Variants in CNTNAP5 observed in about 807,000 individuals in gnomAD.
CNTNAP5 encodes contactin associated protein family member 5.
In CNTNAP5, 72 loss-of-function variants were observed where a neutral mutation model predicts 150.2. The observed-to-expected ratio is 0.48, with a 90% confidence interval of 0.40 to 0.58. CNTNAP5 has a LOEUF of 0.58. Ranked by LOEUF, CNTNAP5 falls within the 20% of genes least tolerant of loss-of-function variation. The probability of loss-of-function intolerance (pLI) is 0.00; values close to 1 mark genes in which losing one functional copy is unlikely to be tolerated. For missense variants in CNTNAP5, 1,636 were observed against 1,626.2 expected (o/e 1.01, Z -0.10); for synonymous variants, 672 against 619.8 (o/e 1.08, Z -1.25).
intron 8 of CNTNAP5, among the ~76,000 whole-genome samples, chr2:124,511,231 G>C (rs146790725): frequency 6.6e-6 from 1 of 152,326 alleles, no homozygotes; most frequent in East Asian, 1.9e-4. Context: ...AGACTGTTTT[G>C]AATGTCATAT....
intron 21 of CNTNAP5, among the ~76,000 whole-genome samples, chr2:124,871,152 C>T (rs1331657218): frequency 1.3e-5 from 2 of 152,052 alleles, no homozygotes; most frequent in Non-Finnish European, 2.9e-5. Context: ...ATACATTCCT[C>T]ATTTCTTCCT....
chr2:124,552,010 G>A (rs1010278281), intron 10 of CNTNAP5, among the ~76,000 whole-genome samples: 6 of 152,172 alleles, frequency 3.9e-5, no homozygotes, highest in Non-Finnish European at 7.3e-5. Flanking sequence ...ATGGGCACTT[G>A]GGCACACACA....
chr2:124,826,322 C>T (rs1421623047), intron 19 of CNTNAP5, among the ~76,000 whole-genome samples: 8 of 152,066 alleles, frequency 5.3e-5, no homozygotes, highest in African/African-American at 2.4e-5. Flanking sequence ...TTCTTAGTGT[C>T]AGATTGGGCC....
chr2:124,053,347 C>CTT, intron 1 of CNTNAP5, among the ~76,000 whole-genome samples: 1 of 152,070 alleles, frequency 6.6e-6, no homozygotes, highest in Middle Eastern at 3.4e-3. Context: ...GTTCTGCTTC[C>CTT]TTTTTCTGAT....
In CNTNAP5 at chr2:124,917,763, A is replaced by G. The variant is rs1164961283; in HGVS notation, c.*3475A>G. ...CATTGGGTGAACATATATAAATTACACCTTGTTTTTGCCCTTGGGGAGCTC... is the reference window on the plus strand; with the variant it reads ...CATTGGGTGAACATATATAAATTACGCCTTGTTTTTGCCCTTGGGGAGCTC... On this transcript the variant is annotated 3_prime_UTR_variant, in exon 24 of 24. Coordinates refer to ENST00000682447, the MANE Select transcript of CNTNAP5 (RefSeq NM_001367498.1). Among the ~76,000 whole-genome samples, 1 of 152,052 alleles carries G rather than the reference A, an allele frequency of 6.6e-6. No individual in the cohort carries two copies. Among genetic ancestry groups the G allele is most frequent in the African/African-American group, 2.4e-5 (1 of 41,448 alleles).
chr2:124,893,683 A>G (rs899960057), intron 21 of CNTNAP5, among the ~76,000 whole-genome samples: 3 of 152,082 alleles, frequency 2.0e-5, no homozygotes, highest in African/African-American at 7.2e-5. Context: ...ACTTGGCACT[A>G]AAAAACACAG....
At chr2:124,348,584 A>G (rs1260480041) in intron 3 of CNTNAP5, among the ~76,000 whole-genome samples, 1 of 152,200 alleles carries the variant, frequency 6.6e-6, no homozygotes, top group Non-Finnish European at 1.5e-5. Flanking sequence ...GAAAATGCAG[A>G]CATGTAGAAA....
chr2:124,188,763 G>A (rs1349820569), intron 1 of CNTNAP5, among the ~76,000 whole-genome samples: 1 of 149,376 alleles, frequency 6.7e-6, no homozygotes, highest in Non-Finnish European at 1.5e-5. Flanking sequence ...CAAAGTGAGA[G>A]AGAGAAAGAG....
At chr2:124,461,016 G>A (rs924771343) in intron 6 of CNTNAP5, among the ~76,000 whole-genome samples, 8 of 152,146 alleles carry the variant, frequency 5.3e-5, no homozygotes, top group African/African-American at 1.7e-4. Flanking sequence ...TCATTAAAAA[G>A]TCAAGAAACA....
At chr2:124,315,176 G>T (rs1382014336) in intron 3 of CNTNAP5, among the ~76,000 whole-genome samples, 1 of 152,024 alleles carries the variant, frequency 6.6e-6, no homozygotes, top group Non-Finnish European at 1.5e-5. Context: ...ACTCAGACTG[G>T]TTCTGAACTC....
chr2:124,696,692 T>A (rs765830682), intron 13 of CNTNAP5, among the ~76,000 whole-genome samples: 2 of 152,204 alleles, frequency 1.3e-5, no homozygotes, highest in African/African-American at 2.4e-5. Flanking sequence ...TCTGACTGTG[T>A]GACTTTTGAA....
intron 1 of CNTNAP5, among the ~76,000 whole-genome samples, chr2:124,050,140 A>G (rs1681653389): frequency 6.6e-6 from 1 of 152,136 alleles, no homozygotes; most frequent in African/African-American, 2.4e-5. Flanking sequence ...TCATTGATAG[A>G]TATTCTTAAT....
intron 1 of CNTNAP5, among the ~76,000 whole-genome samples, chr2:124,203,154 C>A (rs565431114): frequency 6.6e-6 from 1 of 152,116 alleles, no homozygotes; most frequent in African/African-American, 2.4e-5. Context: ...AGACATTGGC[C>A]AAAACGAAGG....
intron 11 of CNTNAP5, among the ~76,000 whole-genome samples, chr2:124,598,680 A>G (rs1254105081): frequency 5.2e-4 from 79 of 151,714 alleles, no homozygotes; most frequent in South Asian, 3.1e-3. Flanking sequence ...ACCCAGTTTG[A>G]GCTTCCCGGC....
intron 6 of CNTNAP5, among the ~76,000 whole-genome samples, chr2:124,456,315 A>G (rs952195639): frequency 6.6e-6 from 1 of 152,078 alleles, no homozygotes; most frequent in East Asian, 1.9e-4. Flanking sequence ...TAACTGCAAT[A>G]AATAAATAAA....
chr2:124,424,629 A>G (rs572367453), intron 4 of CNTNAP5, among the ~76,000 whole-genome samples: 1 of 152,146 alleles, frequency 6.6e-6, no homozygotes, highest in Non-Finnish European at 1.5e-5. Flanking sequence ...AATAAAAGAC[A>G]CTGTGATCTT....
intron 11 of CNTNAP5, among the ~76,000 whole-genome samples, chr2:124,583,847 G>A (rs1696467365): frequency 6.6e-6 from 1 of 152,102 alleles, no homozygotes; most frequent in Admixed American, 6.5e-5. Flanking sequence ...TTAGCTCTGT[G>A]ACAAAGCCCC....
chr2:124,345,604 A>G (rs546830553), intron 3 of CNTNAP5, among the ~76,000 whole-genome samples: 2 of 152,324 alleles, frequency 1.3e-5, no homozygotes, highest in Non-Finnish European at 2.9e-5. Context: ...TAACTCTTTC[A>G]TATGTCTGTC....
intron 3 of CNTNAP5, among the ~76,000 whole-genome samples, chr2:124,330,286 C>T (rs770316408): frequency 5.9e-5 from 9 of 152,132 alleles, no homozygotes; most frequent in East Asian, 1.9e-4. Context: ...ATCAGTGCTT[C>T]CAATTGTCCT....
Sources: allele counts gnomAD v4.1 joint callset (sites outside exome capture counted in the v4.1 genomes callset), GRCh38; gene constraint gnomAD v4.1.1; transcripts MANE v1.5; gene names NCBI Gene and HGNC (gene_info 2026-07-23, HGNC 2026-07-21).